The following DGKH variants were observed in gnomAD, a reference collection of about 807,000 sequenced individuals.
DGKH encodes diacylglycerol kinase eta.
In DGKH, 90 loss-of-function variants were observed where a neutral mutation model predicts 159.3. That is an observed-to-expected ratio of 0.57 (90% confidence interval 0.48 to 0.67). The LOEUF is 0.67. DGKH is among the 30% of genes least tolerant of loss of function. The probability of loss-of-function intolerance (pLI) is 0.00; values close to 1 mark genes in which losing one functional copy is unlikely to be tolerated. For synonymous variants in DGKH, 536 were observed against 553.8 expected (o/e 0.97, Z 0.45); for missense variants, 1,181 against 1,506.1 (o/e 0.78, Z 3.57).
intron 11 of DGKH, among the ~76,000 whole-genome samples, chr13:42,171,774 T>C (rs2138031414): frequency 6.6e-6 from 1 of 152,214 alleles, no homozygotes; most frequent in East Asian, 1.9e-4. Flanking sequence ...ATGCTCAATA[T>C]AGTATATCTG....
chr13:42,182,826 A>G (rs571440706), intron 13 of DGKH, among the ~76,000 whole-genome samples: 2 of 152,054 alleles, frequency 1.3e-5, no homozygotes, highest in South Asian at 4.2e-4. Flanking sequence ...AACACTATCA[A>G]TATTACTTAA....
chr13:42,123,255 C>G (rs1186827100), intron 1 of DGKH, among the ~76,000 whole-genome samples: 2 of 151,692 alleles, frequency 1.3e-5, no homozygotes, highest in African/African-American at 4.8e-5. Flanking sequence ...TTGCTACAAA[C>G]CAGTATTTTA....
intron 1 of DGKH, among the ~76,000 whole-genome samples, chr13:42,095,479 T>C (rs549956866): frequency 6.6e-6 from 1 of 152,276 alleles, no homozygotes; most frequent in South Asian, 2.1e-4. Flanking sequence ...TGACTACTTT[T>C]AATGAGTGCT....
Position 42,051,646 on chromosome 13 carries a change from C to CT in DGKH, c.192+2711dup, listed in dbSNP as rs56413015. ...GGCCCTAAGATTAGCTCAAAGCCATCTTTTTTTTTTTTTTTTTTTTTTTTT... is the reference window on the plus strand; with the variant it reads ...GGCCCTAAGATTAGCTCAAAGCCATCTTTTTTTTTTTTTTTTTTTTTTTTTT... On this transcript the variant is annotated intron_variant, in intron 1 of 29. Coordinates refer to ENST00000337343, the MANE Select transcript of DGKH (RefSeq NM_178009.5). 1.7e-3 allele frequency among the ~76,000 whole-genome samples: 86 copies of CT among 50,180 alleles called. 13 individuals carry two copies. The highest frequency in any genetic ancestry group is 4.1e-3 in the South Asian group (3 of 736). 32.9% of individuals were successfully genotyped at this position (50,180 alleles called of 152,430 possible). A position where few individuals can be genotyped will look rare whatever the true frequency, so the allele number is the denominator to read the frequency against.
At chr13:42,164,734 C>T (rs9525587) in intron 7 of DGKH, among the ~76,000 whole-genome samples, 12,049 of 152,122 alleles carry the variant, frequency 0.079, 583 homozygotes, top group Middle Eastern at 0.15. Flanking sequence ...GCCTGTGATA[C>T]GCATCACTTT....
intron 1 of DGKH, among the ~76,000 whole-genome samples, chr13:42,114,606 A>G (rs1315556980): frequency 3.9e-5 from 6 of 152,200 alleles, no homozygotes; most frequent in African/African-American, 1.4e-4. Context: ...ATCCAGCAGC[A>G]ATTCTAATCA....
downstream of DGKH, among the ~76,000 whole-genome samples, chr13:42,247,275 G>A (rs1958588807): frequency 6.7e-6 from 1 of 148,552 alleles, no homozygotes; most frequent in Non-Finnish European, 1.5e-5. Context: ...TGTTGGTCCA[G>A]GCTGGAATAC....
At chr13:42,194,310 T>C (rs994120140) in intron 16 of DGKH, among the ~76,000 whole-genome samples, 2 of 152,090 alleles carry the variant, frequency 1.3e-5, no homozygotes, top group African/African-American at 4.8e-5. Flanking sequence ...TGGCTAACAT[T>C]TTTATAGAGG....
In DGKH at chr13:42,159,406, C is replaced by T. The variant is rs375208389; in HGVS notation, c.729+34C>T. On this transcript the variant is annotated intron_variant, in intron 6 of 29. Coordinates refer to ENST00000337343, the MANE Select transcript of DGKH (RefSeq NM_178009.5). ...CTGCTCTGTCTCTGCTCTCTTCCCA[C>T]TAACTCCTCTTTTATGTTCTGCTCT... 2.8e-4 allele frequency: 387 copies of T among 1,392,082 alleles called. 3 individuals carry two copies. The African/African-American group carries it at 4.8e-3, about 17-fold the overall frequency. 86.2% of individuals were successfully genotyped at this position (1,392,082 alleles called of 1,614,324 possible). A position where few individuals can be genotyped will look rare whatever the true frequency, so the allele number is the denominator to read the frequency against.
At chr13:42,209,747 T>C (rs1362731526) in intron 23 of DGKH, among the ~76,000 whole-genome samples, 1 of 152,160 alleles carries the variant, frequency 6.6e-6, no homozygotes, top group East Asian at 1.9e-4. Context: ...TAAATTCCCC[T>C]GTTAACATCT....
Position 42,040,808 on chromosome 13 carries a change from G to A in DGKH, c.-13+682G>A, listed in dbSNP as rs866135056. ...GACCGCGGCGAGGGAAGCGCATCCA[G>A]GAGCCCCGGCGCAGCGGCGGCGGCG... On this transcript the variant is annotated intron_variant, in intron 1 of 29. Transcript: ENST00000379274. 6.0e-3 allele frequency among the ~76,000 whole-genome samples: 880 copies of A among 147,068 alleles called. 7 individuals carry two copies. The highest frequency in any genetic ancestry group is 0.021 in the African/African-American group (842 of 40,930).
chr13:42,187,033 C>T lies in DGKH; in HGVS notation c.1539-16C>T. 1.2e-6 allele frequency: 2 copies of T among 1,607,400 alleles called. No homozygotes were observed. Among genetic ancestry groups the T allele is most frequent in the East Asian group, 2.2e-5 (1 of 44,806 alleles). ...TCATGAAGCTTACTAAATTGTACAACTTCTTTTCCTCAAAGGACGCTATGT... is the reference window on the plus strand; with the variant it reads ...TCATGAAGCTTACTAAATTGTACAATTTCTTTTCCTCAAAGGACGCTATGT... On this transcript the variant is annotated splice_polypyrimidine_tract_variant and intron_variant, in intron 13 of 29. Transcript: ENST00000337343.
chr13:42,106,818 T>A (rs958996796), intron 1 of DGKH, among the ~76,000 whole-genome samples: 1 of 151,716 alleles, frequency 6.6e-6, no homozygotes, highest in Admixed American at 6.6e-5. Flanking sequence ...CCGAGGCGGG[T>A]GGATCACAAG....
chr13:42,153,716 G>C (rs1316518291), intron 3 of DGKH: 1 of 152,214 alleles, frequency 6.6e-6, no homozygotes, highest in Non-Finnish European at 1.5e-5. Flanking sequence ...TAAGTAATGA[G>C]AGGCATTGTT....
chr13:42,218,733 T>G (rs1182274689), intron 26 of DGKH, among the ~76,000 whole-genome samples: 2 of 152,142 alleles, frequency 1.3e-5, no homozygotes, highest in African/African-American at 4.8e-5. Context: ...GGTTTCCAAC[T>G]CCTGACCTCA....
intron 2 of DGKH, among the ~76,000 whole-genome samples, chr13:42,127,854 C>A (rs1043727201): frequency 2.6e-5 from 4 of 152,076 alleles, no homozygotes; most frequent in Non-Finnish European, 4.4e-5. Context: ...TTAAATGTAA[C>A]CTTATTAGAT....
rs148743120 is a variant in DGKH, at chr13:42,161,374, C to T, written c.855+1238C>T. On this transcript the variant is annotated intron_variant, in intron 7 of 29. Transcript: ENST00000337343. Reference sequence around the variant, plus strand: ...GTATTAGAAAGAAAACACGGCCGGGCGCGGTGGCTCACACCTGTAATCCCA... The same window carrying T: ...GTATTAGAAAGAAAACACGGCCGGGTGCGGTGGCTCACACCTGTAATCCCA... Among the ~76,000 whole-genome samples, 230 of 152,346 alleles carry T rather than the reference C, an allele frequency of 1.5e-3. 1 individual carries two copies. The highest frequency in any genetic ancestry group is 5.2e-3 in the African/African-American group (218 of 41,582).
rs149430772 is a variant in DGKH, at chr13:42,219,714, A to G, written c.3362A>G (p.Asn1121Ser). ...EEPPMDCTKR[N>S]NRSTVFRIVP... ...CCTCCTATGGATTGCACCAAAAGGA[A>G]CAACAGAAGCACCGTATTTCGAATA... is the stretch of plus-strand genomic sequence containing the variant. Residue 1121 changes from asparagine to serine, a missense_variant, in exon 28 of 30, where the codon AAC (asparagine) becomes AGC (serine). This residue lies in a region of DGKH where 335 missense variants were observed against 495.2 expected (regional missense o/e 0.68). Coordinates refer to ENST00000337343, the MANE Select transcript of DGKH (RefSeq NM_178009.5). 27 of 1,613,572 alleles carry G rather than the reference A, an allele frequency of 1.7e-5. No homozygotes were observed. The highest frequency in any genetic ancestry group is 2.2e-5 in the Non-Finnish European group (26 of 1,179,834).
intron 13 of DGKH, among the ~76,000 whole-genome samples, chr13:42,184,602 C>G (rs1264701928): frequency 1.3e-5 from 2 of 152,110 alleles, no homozygotes; most frequent in East Asian, 3.8e-4. Flanking sequence ...TGGCTCACCC[C>G]TGTAATCTCA....
Sources: allele counts gnomAD v4.1 joint callset (sites outside exome capture counted in the v4.1 genomes callset), GRCh38; gene constraint gnomAD v4.1.1; regional missense constraint gnomAD v4.1.1; transcripts MANE v1.5; gene names NCBI Gene and HGNC (gene_info 2026-07-23, HGNC 2026-07-21).